Variants in SCD observed in about 807,000 individuals in gnomAD.
SCD encodes stearoyl-CoA desaturase.
In SCD, 4 loss-of-function variants were observed where a neutral mutation model predicts 35.7. The ratio of observed to expected loss-of-function variants is 0.11; its 90% CI spans 0.06 to 0.26. The LOEUF is 0.26. SCD is among the 10% of genes least tolerant of loss of function. The pLI, the probability that SCD is intolerant of heterozygous loss-of-function variation, is 1.00. For synonymous variants in SCD, 150 were observed against 170.2 expected, an observed-to-expected ratio of 0.88 and a Z score of 0.92; for missense variants, 282 against 460.7, an observed-to-expected ratio of 0.61 and a Z score of 3.55.
rs1554834961 is a variant in SCD at position 100,364,117 on chromosome 10, G to GGT, written c.*3184_*3185insGT. 4.2e-4 allele frequency: 59 copies of GGT among 139,216 alleles called. No individual in the cohort carries two copies. Among genetic ancestry groups the GGT allele is most frequent in the African/African-American group, 1.5e-3 (58 of 38,604 alleles). 8.6% of individuals were successfully genotyped at this position (139,216 alleles called of 1,614,324 possible). Reference sequence around the variant, plus strand: ...TAATTTGAATGTATTTGATTTATAAGTTTTTTTTTTTTTTTTGGGTTAAAA... The same window carrying GGT: ...TAATTTGAATGTATTTGATTTATAAGGTTTTTTTTTTTTTTTTTGGGTTAAAA... On this transcript the variant is annotated 3_prime_UTR_variant, in exon 6 of 6. Coordinates refer to ENST00000370355, the MANE Select transcript of SCD (RefSeq NM_005063.5).
In SCD at chr10:100,360,893, G is replaced by A. The variant is rs1849983877; in HGVS notation, c.1040G>A (p.Arg347Lys). 3 of 1,613,962 alleles carry A rather than the reference G, an allele frequency of 1.9e-6. No homozygotes were observed. In the East Asian group the frequency reaches 6.7e-5, roughly 36 times the overall value. The stretch of plus-strand genomic sequence containing the variant: ...GTCTCCAAGGCCGCCATCTTGGCCA[G>A]GATTAAAAGAACCGGAGATGGAAAC... Reference protein sequence around the residue: ...KKVSKAAILARIKRTGDGNYK... With the variant: ...KKVSKAAILAKIKRTGDGNYK... The change falls in exon 6 of 6, where the codon AGG becomes AAG. Residue 347 changes from arginine to lysine, a missense_variant. Arg to Lys is a conservative substitution (Grantham distance 26). Around this residue, in one of 2 missense-constraint regions of SCD, gnomAD observed 205 missense variants for 372.3 expected, o/e 0.55. Coordinates refer to ENST00000370355, the MANE Select transcript of SCD (RefSeq NM_005063.5).
At position 100,347,285 on chromosome 10, in the gene SCD, G is replaced by A. The variant is rs1431101084; in HGVS notation, c.-220G>A. Reference sequence around the variant, plus strand: ...TTGGCAGCGGATAAAAGGGGGCTGAGGAAATACCGGACACGGTCACCCGTT... The same window carrying A: ...TTGGCAGCGGATAAAAGGGGGCTGAAGAAATACCGGACACGGTCACCCGTT... On this transcript the variant is annotated 5_prime_UTR_variant, in exon 1 of 6. Coordinates refer to ENST00000370355, the MANE Select transcript of SCD (RefSeq NM_005063.5). The A allele has an allele frequency of 8.2e-6, 5 of 612,282 alleles. No homozygotes were observed. The highest frequency in any genetic ancestry group is 1.2e-5 in the Non-Finnish European group (4 of 342,054). The allele number at this position is 612,282 out of a possible 1,614,324, so 37.9% of individuals were successfully genotyped here. A position where few individuals can be genotyped will look rare whatever the true frequency, so the allele number is the denominator to read the frequency against.
intron 2 of SCD, among the ~76,000 whole-genome samples, chr10:100,351,297 G>A (rs1024266396): frequency 4.6e-5 from 7 of 152,168 alleles, no homozygotes; most frequent in Admixed American, 3.3e-4. Context: ...CAATGGTGGG[G>A]TGCTTCACTG....
At position 100,347,386 on chromosome 10, in the gene SCD, C is replaced by T; in HGVS notation, c.-119C>T. ...CTAGCGCCGACAACCAGCTAGCGTG[C>T]AAGGCGCCGCGGCTCAGCGCGTACC... On this transcript the variant is annotated 5_prime_UTR_variant, in exon 1 of 6. Coordinates refer to ENST00000370355, the MANE Select transcript of SCD (RefSeq NM_005063.5). The T allele has an allele frequency of 2.6e-6, 3 of 1,147,628 alleles. No individual in the cohort carries two copies. Among genetic ancestry groups the T allele is most frequent in the East Asian group, 2.5e-5 (1 of 39,950 alleles). The allele number at this position is 1,147,628 out of a possible 1,614,324, so 71.1% of individuals were successfully genotyped here. A position where few individuals can be genotyped will look rare whatever the true frequency, so the allele number is the denominator to read the frequency against.
At chr10:100,348,404 T>C (rs908655032) in intron 2 of SCD, 58 bp downstream of exon 2, 4 of 1,533,350 alleles carry the variant, frequency 2.6e-6, no homozygotes, top group Non-Finnish European at 3.6e-6. Context: ...GCTCTTTTAA[T>C]AAGGTAGGAT....
At chr10:100,355,502 A>C (rs1031700260) in intron 4 of SCD, among the ~76,000 whole-genome samples, 1 of 152,178 alleles carries the variant, frequency 6.6e-6, no homozygotes, top group African/African-American at 2.4e-5. Context: ...CTAAAAGCAG[A>C]CTTAGGACTT....
chr10:100,349,470 G>A (rs1849848726), intron 2 of SCD, among the ~76,000 whole-genome samples: 1 of 152,202 alleles, frequency 6.6e-6, no homozygotes, highest in Admixed American at 6.5e-5. Flanking sequence ...TTATGCAGAA[G>A]GGCTGGTAGG....
chr10:100,360,026 C>G (rs1048544867), intron 5 of SCD, among the ~76,000 whole-genome samples: 5 of 152,198 alleles, frequency 3.3e-5, no homozygotes, highest in Non-Finnish European at 7.3e-5. Context: ...CTCCCCCACA[C>G]CAGGGTCAAA....
rs372574248 is a variant in SCD at position 100,351,752 on chromosome 10, C to T, written c.311-614C>T. Among the ~76,000 whole-genome samples the T allele has an allele frequency of 5.9e-5, 9 of 152,226 alleles. 1 individual carries two copies. The East Asian group carries it at 1.4e-3, about 23-fold the overall frequency. On this transcript the variant is annotated intron_variant, in intron 2 of 5. Coordinates refer to ENST00000370355, the MANE Select transcript of SCD (RefSeq NM_005063.5). ...ACCTCCTGAGCTCAAGAGATCCTCC[C>T]ACCTCAACCTCTTGAGTAGCTGAGA...
At position 100,364,253 on chromosome 10, in the gene SCD, A is replaced by T. The variant is rs1300431114; in HGVS notation, c.*3320A>T. The T allele has an allele frequency of 7.9e-5, 12 of 152,238 alleles. No homozygotes were observed. The highest frequency in any genetic ancestry group is 7.9e-4 in the Admixed American group (12 of 15,266). The allele number at this position is 152,238 out of a possible 1,614,324, so 9.4% of individuals were successfully genotyped here. ...GTCATCATGAAAGGTTAAAAAAGCG[A>T]GGTGGCCATGTTATGCTGGTGGTTA... On this transcript the variant is annotated 3_prime_UTR_variant, in exon 6 of 6. Coordinates refer to ENST00000370355, the MANE Select transcript of SCD (RefSeq NM_005063.5).
Position 100,360,728 on chromosome 10 carries a change from T to C in SCD, c.881-6T>C, listed in dbSNP as rs1026743774. The C allele has an allele frequency of 6.2e-7, 1 of 1,613,748 alleles. No homozygotes were observed. ...GTCACTCCATAACTTCTCGCTTTTGTTTCAGGTGAGGGCTTCCACAACTAC... is the reference window on the plus strand; with the variant it reads ...GTCACTCCATAACTTCTCGCTTTTGCTTCAGGTGAGGGCTTCCACAACTAC... On this transcript the variant is annotated splice_polypyrimidine_tract_variant and splice_region_variant and intron_variant, in intron 5 of 5. Transcript: ENST00000370355.
At chr10:100,351,093 A>C (rs1359184801) in intron 2 of SCD, among the ~76,000 whole-genome samples, 2 of 152,232 alleles carry the variant, frequency 1.3e-5, no homozygotes, top group Non-Finnish European at 2.9e-5. Flanking sequence ...TTCTGTGGCC[A>C]CTGAGGATCT....
chr10:100,347,569 A>T, intron 1 of SCD, 38 bp downstream of exon 1: 1 of 1,612,384 alleles, frequency 6.2e-7, no homozygotes, highest in Non-Finnish European at 8.5e-7. Flanking sequence ...GCCGGGTCGC[A>T]GGCGCGGGCT....
At chr10:100,350,935 C>T (rs1483430705) in intron 2 of SCD, among the ~76,000 whole-genome samples, 1 of 152,096 alleles carries the variant, frequency 6.6e-6, no homozygotes, top group Non-Finnish European at 1.5e-5. Context: ...CTCTGTGGCT[C>T]TCCTGGAGAT....
At position 100,361,117 on chromosome 10, in the gene SCD, C is replaced by T; in HGVS notation, c.*184C>T. The stretch of plus-strand genomic sequence containing the variant: ...ACAACTCTGCCTTTATGATGCTAAG[C>T]TGATATTATTTCTTCTCTTATCCTC... On this transcript the variant is annotated 3_prime_UTR_variant, in exon 6 of 6. Transcript: ENST00000370355. The T allele has an allele frequency of 1.7e-6, 1 of 602,066 alleles. No homozygotes were observed. The highest frequency in any genetic ancestry group is 2.9e-6 in the Non-Finnish European group (1 of 343,118). 37.3% of individuals were successfully genotyped at this position (602,066 alleles called of 1,614,324 possible).
intron 1 of SCD, 57 bp from the exon 2 acceptor site, chr10:100,348,007 G>A (rs1047141321): frequency 6.5e-6 from 10 of 1,544,334 alleles, no homozygotes; most frequent in Middle Eastern, 3.5e-4. Context: ...GAGCGGAGTG[G>A]CCCCAGCTGC....
intron 3 of SCD, among the ~76,000 whole-genome samples, chr10:100,353,616 A>G (rs1474494619): frequency 6.6e-6 from 1 of 151,896 alleles, no homozygotes; most frequent in East Asian, 1.9e-4. Context: ...TAGCAAAGAC[A>G]GAATGAAGGG....
rs1359092114 is a variant in SCD at position 100,361,440 on chromosome 10, C to T, written c.*507C>T. ...GCTAGATGGAATGGAAAAGCAACTT[C>T]ATTTGACACAAAGCTTCTAAAGCAG... On this transcript the variant is annotated 3_prime_UTR_variant, in exon 6 of 6. Transcript: ENST00000370355. The T allele has an allele frequency of 6.3e-6, 1 of 157,732 alleles. No individual in the cohort carries two copies. Among genetic ancestry groups the T allele is most frequent in the Admixed American group, 6.0e-5 (1 of 16,610 alleles). The allele number at this position is 157,732 out of a possible 1,614,324, so 9.8% of individuals were successfully genotyped here.
chr10:100,356,458 C>G lies in SCD; in HGVS notation c.648-74C>G. ...ATGGAAGAAAGACAGCCCATCCCCT[C>G]CCAATTAGTGTGGAAGATCCATGTA... On this transcript the variant is annotated intron_variant, in intron 4 of 5. Transcript: ENST00000370355. This position sits in a 1 kb window ranked among gnomAD's most constrained non-coding sequence, Gnocchi z 4.1. 2 of 969,682 alleles carry G rather than the reference C, an allele frequency of 2.1e-6. No individual in the cohort carries two copies. The highest frequency in any genetic ancestry group is 2.7e-5 in the South Asian group (2 of 74,362). The allele number at this position is 969,682 out of a possible 1,614,324, so 60.1% of individuals were successfully genotyped here.
Sources: allele counts gnomAD v4.1 joint callset (sites outside exome capture counted in the v4.1 genomes callset), GRCh38; gene constraint gnomAD v4.1.1; regional missense constraint gnomAD v4.1.1; non-coding constraint Gnocchi (gnomAD v3.1); transcripts MANE v1.5; gene names NCBI Gene and HGNC (gene_info 2026-07-23, HGNC 2026-07-21).